Variants in CLSTN2 observed in about 807,000 individuals in gnomAD.
The protein encoded by CLSTN2 is calsyntenin 2, also known as calsyntenin-2.
CLSTN2 carries 48 observed loss-of-function variants against 101.2 expected under a neutral mutation model. That is an observed-to-expected ratio of 0.47 (90% confidence interval 0.38 to 0.60). The LOEUF (loss-of-function observed/expected upper bound fraction) is 0.60. Ranked by LOEUF, CLSTN2 falls within the 20% of genes least tolerant of loss-of-function variation. CLSTN2 has a pLI of 0.00. For missense variants in CLSTN2, 1,160 were observed against 1,238.2 expected, an observed-to-expected ratio of 0.94 and a Z score of 0.95; for synonymous variants, 481 against 463.6, an observed-to-expected ratio of 1.04 and a Z score of -0.48.
intron 2 of CLSTN2, among the ~76,000 whole-genome samples, chr3:140,304,661 C>T (rs1312044025): frequency 6.6e-6 from 1 of 152,080 alleles, no homozygotes; most frequent in East Asian, 1.9e-4. Flanking sequence ...TCCATAATAC[C>T]CTGTTTGGAT....
intron 1 of CLSTN2, among the ~76,000 whole-genome samples, chr3:140,058,717 G>C (rs1201352098): frequency 1.3e-5 from 2 of 151,966 alleles, no homozygotes; most frequent in African/African-American, 2.4e-5. Flanking sequence ...ATTTTGTGCT[G>C]GACTGACTCT....
At chr3:140,079,368 A>T (rs2008546710) in intron 1 of CLSTN2, among the ~76,000 whole-genome samples, 1 of 152,216 alleles carries the variant, frequency 6.6e-6, no homozygotes, top group Admixed American at 6.5e-5. Flanking sequence ...TTTCCAAGAG[A>T]TAGAGAAAAT....
At chr3:139,951,792 T>G (rs1935300587) in intron 1 of CLSTN2, among the ~76,000 whole-genome samples, 1 of 152,186 alleles carries the variant, frequency 6.6e-6, no homozygotes, top group South Asian at 2.1e-4. Context: ...CATTTGATGT[T>G]TATAGTCCAG....
intron 2 of CLSTN2, among the ~76,000 whole-genome samples, chr3:140,205,505 G>A (rs1253167921): frequency 6.6e-6 from 1 of 151,962 alleles, no homozygotes. Flanking sequence ...CACAAAAGGT[G>A]GGAATATGGG....
chr3:140,249,727 T>C (rs551595003), intron 2 of CLSTN2, among the ~76,000 whole-genome samples: 1 of 152,322 alleles, frequency 6.6e-6, no homozygotes, highest in African/African-American at 2.4e-5. Context: ...TTTCCTCTAT[T>C]ATGTGATGAA....
chr3:140,405,731 A>T (rs1370320145), intron 4 of CLSTN2, among the ~76,000 whole-genome samples: 1 of 152,226 alleles, frequency 6.6e-6, no homozygotes, highest in African/African-American at 2.4e-5. Flanking sequence ...CAGAGCCCCA[A>T]CAAACTCAGC....
chr3:140,113,843 C>G (rs1348363523), intron 1 of CLSTN2, among the ~76,000 whole-genome samples: 1 of 152,060 alleles, frequency 6.6e-6, no homozygotes, highest in Non-Finnish European at 1.5e-5. Context: ...GTGAATGGAG[C>G]AATTGTGTGT....
chr3:140,181,087 C>T (rs991276397), intron 2 of CLSTN2, among the ~76,000 whole-genome samples: 10 of 152,172 alleles, frequency 6.6e-5, no homozygotes, highest in African/African-American at 2.4e-4. Context: ...TGTGAATGGT[C>T]ACAGGGCTTT....
chr3:140,159,271 A>C (rs1038386504), intron 1 of CLSTN2, among the ~76,000 whole-genome samples: 3 of 152,188 alleles, frequency 2.0e-5, no homozygotes, highest in African/African-American at 7.2e-5. Flanking sequence ...TTTGCAAACT[A>C]TGCATCCAAC....
chr3:140,198,001 T>A (rs1165337089), intron 2 of CLSTN2, among the ~76,000 whole-genome samples: 2 of 152,208 alleles, frequency 1.3e-5, no homozygotes, highest in East Asian at 3.9e-4. Flanking sequence ...ATTTTATTTG[T>A]GGCTCTTGAA....
At chr3:140,425,602 C>T (rs1400026413) in intron 5 of CLSTN2, among the ~76,000 whole-genome samples, 3 of 152,232 alleles carry the variant, frequency 2.0e-5, no homozygotes, top group Non-Finnish European at 4.4e-5. Context: ...ACTTTCCATC[C>T]ATCACCTAAG....
chr3:140,111,811 G>A (rs570080524), intron 1 of CLSTN2, among the ~76,000 whole-genome samples: 2 of 152,272 alleles, frequency 1.3e-5, no homozygotes, highest in South Asian at 4.2e-4. Context: ...CTCTGCACCA[G>A]AAGCCACTGT....
chr3:140,417,178 T>C (rs541314180), intron 4 of CLSTN2, among the ~76,000 whole-genome samples: 1 of 152,344 alleles, frequency 6.6e-6, no homozygotes, highest in South Asian at 2.1e-4. Flanking sequence ...TCCTCCCTTT[T>C]TTCACTTAAC....
At chr3:139,962,812 T>C (rs1429771046) in intron 1 of CLSTN2, among the ~76,000 whole-genome samples, 1 of 152,126 alleles carries the variant, frequency 6.6e-6, no homozygotes, top group Non-Finnish European at 1.5e-5. Flanking sequence ...ACATTTAGAG[T>C]GTCTTCAGTT....
intron 1 of CLSTN2, among the ~76,000 whole-genome samples, chr3:140,103,954 T>C (rs1446575211): frequency 6.6e-6 from 1 of 152,148 alleles, no homozygotes; most frequent in Non-Finnish European, 1.5e-5. Flanking sequence ...AACTAGGACA[T>C]GATTGATGGA....
rs193281100 is a variant in CLSTN2 at position 140,138,861 on chromosome 3, T to C, written c.110-37090T>C. On this transcript the variant is annotated intron_variant, in intron 1 of 16. Transcript: ENST00000458420. Reference sequence around the variant, plus strand: ...GATGTCTCCAAATCAAGCTCCATTTTTAAGAGGCAGTGTCGGCATTTTCTC... The same window carrying C: ...GATGTCTCCAAATCAAGCTCCATTTCTAAGAGGCAGTGTCGGCATTTTCTC... Among the ~76,000 whole-genome samples the C allele has an allele frequency of 2.3e-3, 350 of 152,322 alleles. 1 individual carries two copies. The highest frequency in any genetic ancestry group is 8.0e-3 in the African/African-American group (333 of 41,564).
At chr3:140,015,361 G>A (rs2007179748) in intron 1 of CLSTN2, among the ~76,000 whole-genome samples, 1 of 152,190 alleles carries the variant, frequency 6.6e-6, no homozygotes, top group African/African-American at 2.4e-5. Context: ...ACACTATGAT[G>A]ATGATACAGT....
At chr3:140,105,171 C>T (rs185097583) in intron 1 of CLSTN2, among the ~76,000 whole-genome samples, 2 of 152,272 alleles carry the variant, frequency 1.3e-5, no homozygotes, top group African/African-American at 4.8e-5. Flanking sequence ...TAAATTCATC[C>T]TCTTATGATA....
intron 1 of CLSTN2, among the ~76,000 whole-genome samples, chr3:140,063,013 C>T (rs2008232932): frequency 6.6e-6 from 1 of 152,082 alleles, no homozygotes; most frequent in Non-Finnish European, 1.5e-5. Flanking sequence ...CATATGCTTC[C>T]TTCACACATT....
Sources: allele counts gnomAD v4.1 joint callset (sites outside exome capture counted in the v4.1 genomes callset), GRCh38; gene constraint gnomAD v4.1.1; transcripts MANE v1.5; gene names NCBI Gene and HGNC (gene_info 2026-07-23, HGNC 2026-07-21).